The following COL24A1 variants were observed in gnomAD, a reference collection of about 807,000 sequenced individuals.
The protein encoded by COL24A1 is collagen alpha-1(XXIV) chain.
A neutral mutation model predicts 253.9 loss-of-function variants in COL24A1; 224 were observed. That is an observed-to-expected ratio of 0.88 (90% CI 0.79 to 0.99). COL24A1 has a LOEUF of 0.99. Among genes scored for constraint, COL24A1 ranks in the 50% least tolerant of loss-of-function variants. The pLI is 0.00. For synonymous variants in COL24A1, 685 were observed against 673.7 expected, an observed-to-expected ratio of 1.02 and a Z score of -0.26; for missense variants, 2,131 against 2,068.5, an observed-to-expected ratio of 1.03 and a Z score of -0.59.
chr1:85,756,791 A>C (rs963885052), intron 55 of COL24A1, among the ~76,000 whole-genome samples: 2 of 152,248 alleles, frequency 1.3e-5, no homozygotes, highest in Non-Finnish European at 2.9e-5. Flanking sequence ...TATTCACAAT[A>C]GCCAAAAGGT....
intron 53 of COL24A1, among the ~76,000 whole-genome samples, chr1:85,772,641 CAT>C (rs1208109529): frequency 1.3e-5 from 2 of 151,860 alleles, no homozygotes; most frequent in African/African-American, 2.4e-5. Context: ...CATTTTTTCA[CAT>C]GTCTGTTGGC....
chr1:86,038,394 T>C (rs1020786008), intron 12 of COL24A1, among the ~76,000 whole-genome samples: 1 of 152,158 alleles, frequency 6.6e-6, no homozygotes, highest in African/African-American at 2.4e-5. Context: ...CTTAGCACAA[T>C]CTTGAGCAGT....
At chr1:86,082,140 T>C (rs1702687880) in intron 7 of COL24A1, among the ~76,000 whole-genome samples, 2 of 152,192 alleles carry the variant, frequency 1.3e-5, no homozygotes, top group South Asian at 4.1e-4. Flanking sequence ...CTCGAACTCA[T>C]AAAAATGCTA....
At chr1:85,830,181 C>A (rs1292385453) in intron 43 of COL24A1, among the ~76,000 whole-genome samples, 11 of 152,084 alleles carry the variant, frequency 7.2e-5, no homozygotes, top group Non-Finnish European at 1.0e-4. Flanking sequence ...AGTACCCGGC[C>A]GTGTGAGGTG....
chr1:85,817,171 C>T (rs1304750527), intron 46 of COL24A1, among the ~76,000 whole-genome samples: 1 of 152,124 alleles, frequency 6.6e-6, no homozygotes, highest in Non-Finnish European at 1.5e-5. Flanking sequence ...TCTGGTGTTT[C>T]TTATTGTGTC....
At chr1:85,826,206 C>T (rs1233662008) in intron 43 of COL24A1, among the ~76,000 whole-genome samples, 1 of 141,144 alleles carries the variant, frequency 7.1e-6, no homozygotes, top group Non-Finnish European at 1.6e-5. Context: ...GCTTGTTTTT[C>T]TCAGGTTTGT....
chr1:86,077,172 T>C (rs1371959701), intron 7 of COL24A1, among the ~76,000 whole-genome samples: 1 of 151,998 alleles, frequency 6.6e-6, no homozygotes, highest in African/African-American at 2.4e-5. Flanking sequence ...TCCATCAAAA[T>C]GTGGGCAAAG....
At chr1:85,790,210 T>C (rs1018451622) in intron 47 of COL24A1, among the ~76,000 whole-genome samples, 1 of 152,168 alleles carries the variant, frequency 6.6e-6, no homozygotes, top group African/African-American at 2.4e-5. Flanking sequence ...ATAGGCTATT[T>C]ATTACTGCCT....
At chr1:85,957,637 C>T (rs1690603053) in intron 24 of COL24A1, among the ~76,000 whole-genome samples, 2 of 152,152 alleles carry the variant, frequency 1.3e-5, no homozygotes, top group African/African-American at 4.8e-5. Flanking sequence ...AAATATCTTC[C>T]AAATATATCC....
intron 2 of COL24A1, among the ~76,000 whole-genome samples, chr1:86,132,168 G>C (rs1475801784): frequency 6.6e-6 from 1 of 152,170 alleles, no homozygotes; most frequent in Non-Finnish European, 1.5e-5. Context: ...GTCTTATTTT[G>C]AGAAGTGTCT....
rs147959903 is a variant in COL24A1 at position 85,786,946 on chromosome 1, A to G, written c.3952-485T>C. Among the ~76,000 whole-genome samples, 12 of 152,322 alleles carry G rather than the reference A, an allele frequency of 7.9e-5. No individual in the cohort carries two copies. In the East Asian group the frequency reaches 2.1e-3, roughly 27 times the overall value. ...GTATATCCTTAAAACTAAATCCTAAATCAGGTTGGCAAACTACACTTTGCA... is the reference window on the plus strand; with the variant it reads ...GTATATCCTTAAAACTAAATCCTAAGTCAGGTTGGCAAACTACACTTTGCA... On this transcript the variant is annotated intron_variant, in intron 47 of 59. Coordinates refer to ENST00000370571, the MANE Select transcript of COL24A1 (RefSeq NM_152890.7).
At chr1:85,846,133 AACAG>A (rs1677115952) in intron 39 of COL24A1, among the ~76,000 whole-genome samples, 10 of 151,868 alleles carry the variant, frequency 6.6e-5, no homozygotes, top group Admixed American at 6.6e-4. Context: ...AAAAGCAGAA[AACAG>A]ACTGACCACT....
chr1:86,107,319 G>A (rs549372612), intron 5 of COL24A1, among the ~76,000 whole-genome samples: 1 of 152,162 alleles, frequency 6.6e-6, no homozygotes, highest in African/African-American at 2.4e-5. Flanking sequence ...TTATGATTGG[G>A]ATAAAACTAA....
intron 20 of COL24A1, among the ~76,000 whole-genome samples, chr1:85,981,208 A>G (rs1693227154): frequency 6.6e-6 from 1 of 152,184 alleles, no homozygotes; most frequent in Non-Finnish European, 1.5e-5. Flanking sequence ...CACTAAGCAA[A>G]AAGAACAAAT....
intron 9 of COL24A1, among the ~76,000 whole-genome samples, chr1:86,058,894 A>G (rs1329104719): frequency 6.6e-6 from 1 of 152,162 alleles, no homozygotes; most frequent in African/African-American, 2.4e-5. Flanking sequence ...TGAAGGTTCC[A>G]TTGTACATCA....
intron 2 of COL24A1, among the ~76,000 whole-genome samples, chr1:86,138,908 T>C (rs573431681): frequency 5.6e-4 from 86 of 152,230 alleles, no homozygotes; most frequent in African/African-American, 1.9e-3. Context: ...TGCCAATCTT[T>C]ACTCATCCTG....
In COL24A1 at chr1:85,847,777, G is replaced by A. The variant is rs1677300015; in HGVS notation, c.3355-5C>T. 1 of 1,596,920 alleles carries A rather than the reference G, an allele frequency of 6.3e-7. No homozygotes were observed. The highest frequency in any genetic ancestry group is 1.7e-4 in the Middle Eastern group (1 of 6,016). The stretch of plus-strand genomic sequence containing the variant: ...TCCTATTTGTCCTTTATCACCCTGT[G>A]GATGACATTATTAAGAGAGAAAAGC... On this transcript the variant is annotated splice_polypyrimidine_tract_variant and splice_region_variant and intron_variant, in intron 38 of 59. Coordinates refer to ENST00000370571, the MANE Select transcript of COL24A1 (RefSeq NM_152890.7).
At chr1:85,952,730 T>G (rs1336533776) in intron 24 of COL24A1, among the ~76,000 whole-genome samples, 1 of 152,180 alleles carries the variant, frequency 6.6e-6, no homozygotes, top group Non-Finnish European at 1.5e-5. Context: ...GATGGCTGCT[T>G]TCATACTACA....
chr1:86,017,269 C>G (rs1697083206), intron 18 of COL24A1, 65 bp from the exon 19 acceptor site: 2 of 1,341,018 alleles, frequency 1.5e-6, no homozygotes, highest in African/African-American at 3.1e-5. Flanking sequence ...AAAGAAGAAA[C>G]AGGCATATGG....
Sources: gnomAD v4.1 joint callset for allele counts (sites outside exome capture counted in the v4.1 genomes callset) on GRCh38, gnomAD v4.1.1 for gene constraint, MANE v1.5 for transcripts, NCBI Gene and HGNC (gene_info 2026-07-23, HGNC 2026-07-21) for gene names.